SAMD5: variants seen among roughly 807,000 people sequenced by gnomAD.
The protein encoded by SAMD5 is sterile alpha motif domain-containing protein 5.
Under a neutral mutation model 11.3 loss-of-function variants are expected in SAMD5, and 13 were observed. The ratio of observed to expected loss-of-function variants is 1.15; its 90% CI spans 0.75 to 1.83. The LOEUF (loss-of-function observed/expected upper bound fraction) is 1.83. Among genes scored for constraint, SAMD5 ranks in the 40% most tolerant of loss-of-function variants. The pLI is 0.00. For missense variants in SAMD5, 255 were observed against 239.1 expected (o/e 1.07, Z -0.44); for synonymous variants, 129 against 111.3 (o/e 1.16, Z -1.00).
the SAMD5 span, among the ~76,000 whole-genome samples, chr6:147,777,508 T>A: frequency 8.5e-5 from 13 of 152,258 alleles, no homozygotes; most frequent in African/African-American, 1.9e-4. Flanking sequence ...CTCTCTTTTT[T>A]AAAAAAGTTG....
At chr6:147,878,505 A>G in the SAMD5 span, among the ~76,000 whole-genome samples, 6 of 150,788 alleles carry the variant, frequency 4.0e-5, no homozygotes, top group African/African-American at 4.9e-5. Context: ...TATTAATGAC[A>G]TAGTTTATTA....
At chr6:147,519,260 C>A (rs996714426) in intron 1 of SAMD5, among the ~76,000 whole-genome samples, 2 of 152,064 alleles carry the variant, frequency 1.3e-5, no homozygotes, top group African/African-American at 4.8e-5. Flanking sequence ...GCATTTGATA[C>A]CCAAAATGTA....
At chr6:147,785,979 T>C in the SAMD5 span, among the ~76,000 whole-genome samples, 2 of 152,172 alleles carry the variant, frequency 1.3e-5, no homozygotes, top group Non-Finnish European at 2.9e-5. Flanking sequence ...GTTCTTGCAG[T>C]GATGGTGATA....
At chr6:147,796,590 C>A in the SAMD5 span, among the ~76,000 whole-genome samples, 2 of 152,034 alleles carry the variant, frequency 1.3e-5, no homozygotes, top group African/African-American at 2.4e-5. Flanking sequence ...GTAGTTTTTT[C>A]CAATTCTGTG....
At chr6:147,514,443 T>C (rs1423479273) in intron 1 of SAMD5, among the ~76,000 whole-genome samples, 1 of 150,834 alleles carries the variant, frequency 6.6e-6, no homozygotes, top group Non-Finnish European at 1.5e-5. Context: ...CATCATGTAA[T>C]GTTTAGACAT....
chr6:147,754,494 T>C, the SAMD5 span, among the ~76,000 whole-genome samples: 1 of 152,224 alleles, frequency 6.6e-6, no homozygotes, highest in African/African-American at 2.4e-5. Context: ...GAAAATATTT[T>C]CTCCCATTCT....
rs548416763 is a variant in SAMD5 at position 147,599,990 on chromosome 6, G to T, written c.162+90603G>T. On this transcript the variant is annotated intron_variant, in intron 1 of 1. Coordinates refer to the SAMD5 transcript ENST00000566741. ...GGACCAGGAGGTGTGTATGGGACCAGGAGGTGTGTGTGGGACCAGTCGTGG... is the reference window on the plus strand; with the variant it reads ...GGACCAGGAGGTGTGTATGGGACCATGAGGTGTGTGTGGGACCAGTCGTGG... Among the ~76,000 whole-genome samples, 14 of 152,190 alleles carry T rather than the reference G, an allele frequency of 9.2e-5. No homozygotes were observed. In the South Asian group the frequency reaches 2.9e-3, roughly 32 times the overall value.
chr6:147,769,559 A>T, the SAMD5 span, among the ~76,000 whole-genome samples: 1 of 152,178 alleles, frequency 6.6e-6, no homozygotes, highest in South Asian at 2.1e-4. Context: ...AGATTAATAG[A>T]TTATAATCAT....
At chr6:147,550,106 A>G (rs1041227715) in intron 1 of SAMD5, among the ~76,000 whole-genome samples, 23 of 151,942 alleles carry the variant, frequency 1.5e-4, no homozygotes, top group Admixed American at 1.4e-3. Context: ...TTAGATGGGC[A>G]TGGTGGCCCA....
the SAMD5 span, among the ~76,000 whole-genome samples, chr6:147,892,697 G>A: frequency 6.6e-6 from 1 of 152,172 alleles, no homozygotes; most frequent in African/African-American, 2.4e-5. Flanking sequence ...TAAGAGATGG[G>A]ATGGGAAAGG....
chr6:147,773,923 G>GCCTCGACCTCCCAGGCTCAGGTTATCCT, the SAMD5 span, among the ~76,000 whole-genome samples: 1 of 152,110 alleles, frequency 6.6e-6, no homozygotes, highest in East Asian at 1.9e-4. Context: ...GCTCATTGCA[G>GCCTCGACCTCCCAGGCTCAGGTTATCCT]CCTCGACCTC....
chr6:147,586,373 C>CAAAAAAAAAA (rs1286454507), intron 1 of SAMD5, among the ~76,000 whole-genome samples: 1 of 151,952 alleles, frequency 6.6e-6, no homozygotes, highest in Non-Finnish European at 1.5e-5. Context: ...CACATACATT[C>CAAAAAAAAAA]AAAAAATACC....
the SAMD5 span, among the ~76,000 whole-genome samples, chr6:147,745,168 A>G: frequency 6.6e-6 from 1 of 152,146 alleles, no homozygotes; most frequent in African/African-American, 2.4e-5. Flanking sequence ...AATTACGCCT[A>G]GAATTTGATC....
At chr6:147,588,143 A>C (rs2128446936) in intron 1 of SAMD5, among the ~76,000 whole-genome samples, 1 of 152,236 alleles carries the variant, frequency 6.6e-6, no homozygotes. Context: ...TCCAGGGTAC[A>C]GTCACTTAAA....
At chr6:147,820,340 T>C in the SAMD5 span, among the ~76,000 whole-genome samples, 1 of 152,192 alleles carries the variant, frequency 6.6e-6, no homozygotes, top group Admixed American at 6.5e-5. Context: ...TATCTATTTT[T>C]CTGAACATCT....
chr6:147,876,620 C>T, the SAMD5 span, among the ~76,000 whole-genome samples: 1 of 152,166 alleles, frequency 6.6e-6, no homozygotes, highest in Non-Finnish European at 1.5e-5. Flanking sequence ...CTATTATCTG[C>T]AGTACACTTT....
At chr6:147,554,933 A>G (rs149453927) in intron 1 of SAMD5, among the ~76,000 whole-genome samples, 2 of 152,236 alleles carry the variant, frequency 1.3e-5, no homozygotes, top group African/African-American at 4.8e-5. Flanking sequence ...TAACAATACT[A>G]TAATGTGATG....
intron 1 of SAMD5, among the ~76,000 whole-genome samples, chr6:147,549,072 A>G (rs1167919980): frequency 6.6e-6 from 1 of 152,220 alleles, no homozygotes; most frequent in African/African-American, 2.4e-5. Flanking sequence ...GCACAGAACC[A>G]TAGCTGACCC....
chr6:147,866,207 CT>C, the SAMD5 span, among the ~76,000 whole-genome samples: 6 of 152,068 alleles, frequency 3.9e-5, no homozygotes, highest in Non-Finnish European at 5.9e-5. Context: ...ACACATTTAT[CT>C]TGTTGATCAA....
Sources: gnomAD v4.1 joint callset for allele counts (sites outside exome capture counted in the v4.1 genomes callset) on GRCh38, gnomAD v4.1.1 for gene constraint, MANE v1.5 for transcripts, NCBI Gene and HGNC (gene_info 2026-07-23, HGNC 2026-07-21) for gene names.